PRKAR2A: variants seen among roughly 807,000 people sequenced by gnomAD.
PRKAR2A encodes the protein protein kinase cAMP-dependent type II regulatory subunit alpha.
A neutral mutation model predicts 51.9 loss-of-function variants in PRKAR2A; 29 were observed. That is an observed-to-expected ratio of 0.56 (90% CI 0.42 to 0.76). The LOEUF (loss-of-function observed/expected upper bound fraction) is 0.76. Ranked by LOEUF, PRKAR2A falls within the 30% of genes least tolerant of loss-of-function variation. PRKAR2A has a pLI of 0.00. For missense variants in PRKAR2A, 445 were observed against 512.1 expected, an observed-to-expected ratio of 0.87 and a Z score of 1.26; for synonymous variants, 178 against 186.2, an observed-to-expected ratio of 0.96 and a Z score of 0.36.
intron 6 of PRKAR2A, among the ~76,000 whole-genome samples, chr3:48,768,298 T>C (rs531485747): frequency 7.7e-6 from 1 of 130,674 alleles, no homozygotes; most frequent in Admixed American, 7.5e-5. Flanking sequence ...TCTCAAAAGA[T>C]AGATAGATAG....
intron 1 of PRKAR2A, among the ~76,000 whole-genome samples, chr3:48,829,546 AT>A (rs1402685291): frequency 2.8e-5 from 4 of 142,096 alleles, no homozygotes; most frequent in Non-Finnish European, 4.6e-5. Context: ...TAAGAAAAAA[AT>A]ATATATGTGT....
rs1559658584 is a variant in PRKAR2A, at chr3:48,847,235, G to C, written c.262+100C>G. The C allele has an allele frequency of 5.6e-6, 8 of 1,420,466 alleles. No homozygotes were observed. Among genetic ancestry groups the C allele is most frequent in the Non-Finnish European group, 3.8e-6 (4 of 1,053,702 alleles). 88.0% of individuals were successfully genotyped at this position (1,420,466 alleles called of 1,614,324 possible). A position where few individuals can be genotyped will look rare whatever the true frequency, so the allele number is the denominator to read the frequency against. Reference sequence around the variant, plus strand: ...GCTACAGAGCTCCCAATCCCAGCCTGCGGTCGGCTTGGCTGCGGCGCGACA... The same window carrying C: ...GCTACAGAGCTCCCAATCCCAGCCTCCGGTCGGCTTGGCTGCGGCGCGACA... On this transcript the variant is annotated intron_variant, in intron 1 of 10. Transcript: ENST00000265563. This position sits in a 1 kb window ranked among gnomAD's most constrained non-coding sequence, Gnocchi z 4.4.
chr3:48,809,030 C>T (rs997871340), intron 1 of PRKAR2A, among the ~76,000 whole-genome samples: 1 of 152,062 alleles, frequency 6.6e-6, no homozygotes, highest in Non-Finnish European at 1.5e-5. Context: ...ATCCACCCAC[C>T]TTGGCCTCCC....
At chr3:48,818,746 AAAAAG>A (rs2082912141) in intron 1 of PRKAR2A, among the ~76,000 whole-genome samples, 1 of 152,152 alleles carries the variant, frequency 6.6e-6, no homozygotes, top group Non-Finnish European at 1.5e-5. Flanking sequence ...CTGTCTCAAA[AAAAAG>A]AAAAGAGAAC....
chr3:48,769,803 C>G (rs550209606), intron 6 of PRKAR2A, among the ~76,000 whole-genome samples: 1 of 151,796 alleles, frequency 6.6e-6, no homozygotes, highest in South Asian at 2.1e-4. Context: ...GAGACAGAGT[C>G]TCACTCTGTC....
In PRKAR2A at chr3:48,756,400, C is replaced by G. The variant is rs771478981; in HGVS notation, c.918G>C (p.Val306=). 6.2e-7 allele frequency: 1 copy of G among 1,613,956 alleles called. No individual in the cohort carries two copies. The highest frequency in any genetic ancestry group is 1.3e-5 in the African/African-American group (1 of 75,042). The change falls in exon 9 of 11, where the codon GTG becomes GTC. Residue 306 remains valine, a synonymous_variant. Transcript: ENST00000265563. The stretch of plus-strand genomic sequence containing the variant: ...TCACCCTGCTTCTAATCAAGATGCT[C>G]ACTTCGCCAGACTCTATGATGTAAA... ...DSFYIIESGE[V]SILIRSRTKS...
rs34189728 is a variant in PRKAR2A at position 48,822,210 on chromosome 3, C to CAA, written c.263-14528_263-14527dup. Among the ~76,000 whole-genome samples, 1,000 of 108,836 alleles carry CAA rather than the reference C, an allele frequency of 9.2e-3. 19 individuals are homozygous for CAA. Among genetic ancestry groups the CAA allele is most frequent in the Non-Finnish European group, 0.012 (650 of 54,672 alleles). 71.4% of individuals were successfully genotyped at this position (108,836 alleles called of 152,430 possible). On this transcript the variant is annotated intron_variant, in intron 1 of 10. Transcript: ENST00000265563. Reference sequence around the variant, plus strand: ...TGGGTGACGGGGCAAGATTCTGTCTCAAAAAAAAAAAAAAAAAAAAATGGA... The same window carrying CAA: ...TGGGTGACGGGGCAAGATTCTGTCTCAAAAAAAAAAAAAAAAAAAAAAATGGA...
intron 5 of PRKAR2A, among the ~76,000 whole-genome samples, chr3:48,777,748 C>T (rs2082127906): frequency 6.6e-6 from 1 of 152,068 alleles, no homozygotes; most frequent in South Asian, 2.1e-4. Context: ...GAACTTCCAA[C>T]TGTCTGACAA....
Position 48,765,081 on chromosome 3 carries a change from G to T in PRKAR2A, c.799-3C>A, listed in dbSNP as rs765448874. The T allele has an allele frequency of 6.2e-7, 1 of 1,613,588 alleles. No homozygotes were observed. The highest frequency in any genetic ancestry group is 1.3e-5 in the African/African-American group (1 of 75,010). The stretch of plus-strand genomic sequence containing the variant: ...ACAATCTTCATTCGTTCTGACACCT[G>T]AAACAACAAATTCACAAATAAAAGG... On this transcript the variant is annotated splice_polypyrimidine_tract_variant and splice_region_variant and intron_variant, in intron 7 of 10. Coordinates refer to ENST00000265563, the MANE Select transcript of PRKAR2A (RefSeq NM_004157.4).
At chr3:48,771,928 G>A (rs1377598091) in intron 6 of PRKAR2A, among the ~76,000 whole-genome samples, 12 of 151,664 alleles carry the variant, frequency 7.9e-5, no homozygotes, top group South Asian at 2.1e-4. Flanking sequence ...TTAGCTGTTC[G>A]TTCTTTTGTT....
chr3:48,815,836 T>C (rs1411576899), intron 1 of PRKAR2A, among the ~76,000 whole-genome samples: 1 of 149,718 alleles, frequency 6.7e-6, no homozygotes, highest in Non-Finnish European at 1.5e-5. Context: ...CTGACCAACA[T>C]GGTGAAACCC....
At chr3:48,809,044 G>A (rs953540355) in intron 1 of PRKAR2A, among the ~76,000 whole-genome samples, 2 of 152,176 alleles carry the variant, frequency 1.3e-5, no homozygotes, top group Non-Finnish European at 2.9e-5. Context: ...GCCTCCCAAA[G>A]TGCTGGGATT....
rs576343972 is a variant in PRKAR2A, at chr3:48,839,330, T to C, written c.262+8005A>G. Among the ~76,000 whole-genome samples, 9 of 147,858 alleles carry C rather than the reference T, an allele frequency of 6.1e-5. No individual in the cohort carries two copies. The South Asian group carries it at 1.9e-3, about 32-fold the overall frequency. On this transcript the variant is annotated intron_variant, in intron 1 of 10. Transcript: ENST00000265563. ...TATTATGGTGACGGCTGCACACAGATATGAAAAACCAATTATACATTCTAA... is the reference window on the plus strand; with the variant it reads ...TATTATGGTGACGGCTGCACACAGACATGAAAAACCAATTATACATTCTAA...
chr3:48,771,825 C>A (rs2082033309), intron 6 of PRKAR2A, among the ~76,000 whole-genome samples: 1 of 152,040 alleles, frequency 6.6e-6, no homozygotes, highest in Non-Finnish European at 1.5e-5. Context: ...TCTGTTGTTG[C>A]TGTGTGCAGT....
At chr3:48,812,610 G>A (rs1000783516) in intron 1 of PRKAR2A, among the ~76,000 whole-genome samples, 1 of 151,836 alleles carries the variant, frequency 6.6e-6, no homozygotes, top group Non-Finnish European at 1.5e-5. Context: ...AGCCTCCTGA[G>A]TAGCTGGGAC....
At chr3:48,761,702 TC>T (rs2081865172) in intron 8 of PRKAR2A, among the ~76,000 whole-genome samples, 1 of 152,214 alleles carries the variant, frequency 6.6e-6, no homozygotes, top group African/African-American at 2.4e-5. Flanking sequence ...AACCTCTGCC[TC>T]CCAAGTTCAA....
chr3:48,795,641 A>T (rs970901182), intron 2 of PRKAR2A, among the ~76,000 whole-genome samples: 7 of 152,186 alleles, frequency 4.6e-5, no homozygotes, highest in Admixed American at 4.6e-4. Flanking sequence ...GTTTCAAGTT[A>T]TTCTCCTGCC....
chr3:48,844,096 G>A (rs2083422835), intron 1 of PRKAR2A, among the ~76,000 whole-genome samples: 3 of 151,924 alleles, frequency 2.0e-5, no homozygotes, highest in Admixed American at 2.0e-4. Context: ...ATCTGACAAA[G>A]GGCGAATATC....
intron 2 of PRKAR2A, among the ~76,000 whole-genome samples, chr3:48,798,825 T>C (rs2082539210): frequency 6.6e-6 from 1 of 152,036 alleles, no homozygotes; most frequent in Admixed American, 6.6e-5. Flanking sequence ...CAGGCCCAGC[T>C]AATTTTTGTA....
Sources: gnomAD v4.1 joint callset for allele counts (sites outside exome capture counted in the v4.1 genomes callset) on GRCh38, gnomAD v4.1.1 for gene constraint, Gnocchi (gnomAD v3.1) non-coding constraint, MANE v1.5 for transcripts, NCBI Gene and HGNC (gene_info 2026-07-23, HGNC 2026-07-21) for gene names.